ATXN8OS: variants seen among roughly 807,000 people sequenced by gnomAD.
ATXN8OS encodes the protein ATXN8 opposite strand (non-protein coding).
chr13:70,123,198 G>A (rs1023412801), intron 2 of ATXN8OS, among the ~76,000 whole-genome samples: 1 of 151,968 alleles, frequency 6.6e-6, no homozygotes, highest in Non-Finnish European at 1.5e-5. Flanking sequence ...TATTACTGAA[G>A]TTTAAATATT....
chr13:70,139,437 A>T (rs1888674707), intron 3 of ATXN8OS: 4 of 666,760 alleles, frequency 6.0e-6, no homozygotes, highest in Admixed American at 4.6e-5. Flanking sequence ...TGCATTTTTT[A>T]AAAATATATT....
Position 70,160,810 on chromosome 13 carries a change from AAT to A in ATXN8OS, n.574-8935_574-8934del, listed in dbSNP as rs1359124173. On this transcript the variant is annotated intron_variant and non_coding_transcript_variant, in intron 4 of 4. Coordinates refer to ENST00000678624, the Ensembl canonical transcript of ATXN8OS. ...TTTATTTATAAATATATTTATTATA[AAT>A]ATATATAAATATATATTTATATATA... 1.3e-4 allele frequency among the ~76,000 whole-genome samples: 2 copies of A among 14,880 alleles called. 1 individual carries two copies. Among genetic ancestry groups the A allele is most frequent in the Non-Finnish European group, 9.0e-4 (2 of 2,218 alleles). 9.8% of individuals were successfully genotyped at this position (14,880 alleles called of 152,430 possible). A position where few individuals can be genotyped will look rare whatever the true frequency, so the allele number is the denominator to read the frequency against.
In ATXN8OS at chr13:70,157,491, T is replaced by C. The variant is rs185013236; in HGVS notation, n.573+10063T>C. The stretch of plus-strand genomic sequence containing the variant: ...TAAGGAAAGAAGACAGCCAATTAAC[T>C]GGACTCACATGACTAAGATATCCAG... On this transcript the variant is annotated intron_variant and non_coding_transcript_variant, in intron 4 of 4. Transcript: ENST00000678624. 6.1e-3 allele frequency among the ~76,000 whole-genome samples: 697 copies of C among 114,004 alleles called. 6 individuals are homozygous for C. The highest frequency in any genetic ancestry group is 0.025 in the Middle Eastern group (6 of 240). The allele number at this position is 114,004 out of a possible 152,430, so 74.8% of individuals were successfully genotyped here.
intron 4 of ATXN8OS, among the ~76,000 whole-genome samples, chr13:70,153,984 G>A (rs1487606527): frequency 1.3e-5 from 2 of 152,036 alleles, no homozygotes; most frequent in Non-Finnish European, 1.5e-5. Context: ...ACTGCACCTG[G>A]CCTGTACTTA....
chr13:70,150,942 G>A (rs779724643), intron 4 of ATXN8OS, among the ~76,000 whole-genome samples: 1 of 152,072 alleles, frequency 6.6e-6, no homozygotes, highest in South Asian at 2.1e-4. Context: ...TGGCAAAGCA[G>A]GCATTGGCAC....
exon 1 of ATXN8OS, chr13:70,107,885 G>A (rs1038153795): frequency 1.8e-6 from 1 of 541,664 alleles, no homozygotes; most frequent in Non-Finnish European, 3.2e-6. Flanking sequence ...AGACGGCAAA[G>A]CCGCGCGTTT....
intron 4 of ATXN8OS, among the ~76,000 whole-genome samples, chr13:70,161,217 A>G (rs1340992734): frequency 6.6e-6 from 1 of 152,048 alleles, no homozygotes; most frequent in Non-Finnish European, 1.5e-5. Flanking sequence ...GTTCCCATAT[A>G]GCATCATTTA....
intron 4 of ATXN8OS, among the ~76,000 whole-genome samples, chr13:70,155,628 G>C (rs1456343332): frequency 6.6e-6 from 1 of 152,144 alleles, no homozygotes; most frequent in East Asian, 1.9e-4. Flanking sequence ...CCAGAATTCT[G>C]AAATTATCTC....
At chr13:70,157,589 C>G (rs1482006730) in intron 4 of ATXN8OS, among the ~76,000 whole-genome samples, 8 of 151,994 alleles carry the variant, frequency 5.3e-5, no homozygotes, top group African/African-American at 1.9e-4. Flanking sequence ...AGATCTCTCA[C>G]TCTTTATTTT....
chr13:70,163,886 G>T (rs985355229), intron 4 of ATXN8OS, among the ~76,000 whole-genome samples: 10 of 144,970 alleles, frequency 6.9e-5, no homozygotes, highest in Admixed American at 1.4e-4. Flanking sequence ...GGAAATCATG[G>T]TTTTTTTTTT....
intron 4 of ATXN8OS, among the ~76,000 whole-genome samples, chr13:70,152,718 GT>G (rs1888886456): frequency 1.3e-5 from 2 of 152,012 alleles, no homozygotes; most frequent in South Asian, 4.1e-4. Context: ...TATTATCTCT[GT>G]TTCAAATATT....
intron 3 of ATXN8OS, among the ~76,000 whole-genome samples, chr13:70,133,390 T>C (rs540155679): frequency 6.6e-6 from 1 of 152,184 alleles, no homozygotes; most frequent in Admixed American, 6.6e-5. Context: ...CCTTAAACAG[T>C]GAAACAGTGA....
chr13:70,168,322 T>C (rs1344914541), intron 4 of ATXN8OS, among the ~76,000 whole-genome samples: 1 of 152,128 alleles, frequency 6.6e-6, no homozygotes, highest in Non-Finnish European at 1.5e-5. Context: ...GGGATTCAGG[T>C]TATCTATCAC....
intron 3 of ATXN8OS, among the ~76,000 whole-genome samples, chr13:70,140,286 C>A (rs1248994588): frequency 6.6e-6 from 1 of 151,780 alleles, no homozygotes; most frequent in Admixed American, 6.6e-5. Context: ...ATTTTCTGAC[C>A]ATCTTAAAAA....
chr13:70,156,244 A>AGTGTGT (rs71784187), intron 4 of ATXN8OS, among the ~76,000 whole-genome samples: 2 of 149,188 alleles, frequency 1.3e-5, no homozygotes, highest in Non-Finnish European at 3.0e-5. Context: ...GGTGGGTATG[A>AGTGTGT]GTGTGTGTGT....
At position 70,107,809 on chromosome 13, in the gene ATXN8OS, T is replaced by C. The variant is rs1228251508; in HGVS notation, n.30T>C. On this transcript the variant is annotated non_coding_transcript_exon_variant, in exon 1 of 5. Coordinates refer to ENST00000678624, the Ensembl canonical transcript of ATXN8OS. ...GCGGAGGAAGAGGCGGGATGCGCCC[T>C]CTGCACCCCTAGAGCCAGAAGACGC... The C allele has an allele frequency of 5.0e-6, 4 of 794,642 alleles. No homozygotes were observed. In the East Asian group the frequency reaches 8.2e-5, roughly 16 times the overall value. The allele number at this position is 794,642 out of a possible 1,614,324, so 49.2% of individuals were successfully genotyped here. A position where few individuals can be genotyped will look rare whatever the true frequency, so the allele number is the denominator to read the frequency against.
chr13:70,111,548 T>G (rs1379847936), intron 1 of ATXN8OS, among the ~76,000 whole-genome samples: 1 of 152,148 alleles, frequency 6.6e-6, no homozygotes, highest in Non-Finnish European at 1.5e-5. Flanking sequence ...CTTGAGGTTC[T>G]GCCCTCGAGA....
chr13:70,111,834 C>T (rs1888202244), intron 1 of ATXN8OS, among the ~76,000 whole-genome samples: 2 of 152,112 alleles, frequency 1.3e-5, no homozygotes, highest in South Asian at 4.1e-4. Context: ...ATTTGAATGG[C>T]TAATTATGCT....
intron 4 of ATXN8OS, among the ~76,000 whole-genome samples, chr13:70,168,211 T>G (rs74421871): frequency 6.6e-6 from 1 of 152,200 alleles, no homozygotes; most frequent in Non-Finnish European, 1.5e-5. Flanking sequence ...TCTTTAAAAA[T>G]AAATGGACAC....
Sources: gnomAD v4.1 joint callset for allele counts (sites outside exome capture counted in the v4.1 genomes callset) on GRCh38, gnomAD v4.1.1 for gene constraint, MANE v1.5 for transcripts, NCBI Gene and HGNC (gene_info 2026-07-23, HGNC 2026-07-21) for gene names.